The following SH2D2A variants were observed in gnomAD, a reference collection of about 807,000 sequenced individuals.
SH2D2A encodes the protein SH2 domain-containing protein 2A.
SH2D2A carries 33 observed loss-of-function variants against 43.6 expected under a neutral mutation model. The ratio of observed to expected loss-of-function variants is 0.76; its 90% CI spans 0.57 to 1.01. The LOEUF is 1.01. SH2D2A is among the 50% of genes least tolerant of loss of function. SH2D2A has a pLI of 0.00. For synonymous variants in SH2D2A, 212 were observed against 206.1 expected (o/e 1.03, Z -0.25); for missense variants, 491 against 503.1 (o/e 0.98, Z 0.23).
Position 156,816,832 on chromosome 1 carries a change from C to T in SH2D2A, c.-124G>A. On this transcript the variant is annotated 5_prime_UTR_variant, in exon 1 of 9. Coordinates refer to ENST00000368199, the MANE Select transcript of SH2D2A (RefSeq NM_003975.4). ...CCCGGGGGCAGGAAATGTCGCCTTA[C>T]CCACAGCCTTAGTTCTGGCGAGGAC... 1 of 886,136 alleles carries T rather than the reference C, an allele frequency of 1.1e-6. No individual in the cohort carries two copies. The highest frequency in any genetic ancestry group is 1.6e-6 in the Non-Finnish European group (1 of 608,396). The allele number at this position is 886,136 out of a possible 1,614,324, so 54.9% of individuals were successfully genotyped here. A position where few individuals can be genotyped will look rare whatever the true frequency, so the allele number is the denominator to read the frequency against.
At chr1:156,814,396 T>C in intron 3 of SH2D2A, 102 bp from the exon 4 acceptor site, 2 of 1,518,656 alleles carry the variant, frequency 1.3e-6, no homozygotes, top group Non-Finnish European at 1.8e-6. Context: ...CAAGCAAGCA[T>C]GCTGGAGCGG....
chr1:156,807,193 A>G lies in SH2D2A; in HGVS notation c.1155T>C (p.Leu385=). 6.2e-7 allele frequency: 1 copy of G among 1,609,908 alleles called. No individual in the cohort carries two copies. The highest frequency in any genetic ancestry group is 8.5e-7 in the Non-Finnish European group (1 of 1,177,970). ...GACTTACCGCCTACTGAGGAGGCCC[A>G]AGGGGAAGCCATGCCTGTCCTCTGT... ...LQDRGQAWLP[L]GPPQ The change falls in exon 8 of 9, where the codon CTT becomes CTC. Residue 385 remains leucine, a synonymous_variant. Transcript: ENST00000368199. The surrounding 1 kb of genome is among the most constrained non-coding windows in gnomAD (Gnocchi z 5.1).
intron 8 of SH2D2A, among the ~76,000 whole-genome samples, chr1:156,806,954 C>A (rs983647433): frequency 6.6e-6 from 1 of 152,174 alleles, no homozygotes. Context: ...ACCTTAACAT[C>A]CTTTCCAATG....
Position 156,813,902 on chromosome 1 carries a change from G to C in SH2D2A, c.513C>G (p.Thr171=), listed in dbSNP as rs765223451. ...CCCCGTAGGGGCTGAGCGGGTGCGC[G>C]GTGTAGTGCAGCAGCAGGTCCTGCA... ...ARLQDLLLHY[T]AHPLSPYGET... Residue 171 remains threonine (T), a synonymous_variant, in exon 5 of 9, where the codon ACC becomes ACG. Transcript: ENST00000368199. The C allele has an allele frequency of 1.1e-4, 170 of 1,543,980 alleles. No homozygotes were observed. Among genetic ancestry groups the C allele is most frequent in the Non-Finnish European group, 1.4e-4 (165 of 1,149,226 alleles).
Position 156,807,354 on chromosome 1 carries a change from A to G in SH2D2A, c.1003-9T>C, listed in dbSNP as rs1416496878. ...TGGGAGCCACCTGTATTCTGCAGAG[A>G]GAAGGACAGTTCTAGGTCACACCCT... is the stretch of plus-strand genomic sequence containing the variant. On this transcript the variant is annotated splice_polypyrimidine_tract_variant and intron_variant, in intron 7 of 8. Transcript: ENST00000368199. The surrounding 1 kb of genome is among the most constrained non-coding windows in gnomAD (Gnocchi z 5.1). 6.6e-7 allele frequency: 1 copy of G among 1,525,878 alleles called. No individual in the cohort carries two copies. The highest frequency in any genetic ancestry group is 1.4e-5 in the African/African-American group (1 of 73,656). The allele number at this position is 1,525,878 out of a possible 1,614,324, so 94.5% of individuals were successfully genotyped here. A position where few individuals can be genotyped will look rare whatever the true frequency, so the allele number is the denominator to read the frequency against.
At chr1:156,810,262 C>T (rs946482148) in intron 5 of SH2D2A, among the ~76,000 whole-genome samples, 7 of 152,214 alleles carry the variant, frequency 4.6e-5, no homozygotes, top group African/African-American at 1.4e-4. Flanking sequence ...TGGTCTTGAA[C>T]TCTTGGGTTC....
intron 7 of SH2D2A, among the ~76,000 whole-genome samples, chr1:156,808,033 T>A (rs1335826906): frequency 6.6e-6 from 1 of 152,124 alleles, no homozygotes; most frequent in Non-Finnish European, 1.5e-5. Context: ...GTGAGGTGGC[T>A]CGAGCCTGTA....
intron 7 of SH2D2A, among the ~76,000 whole-genome samples, chr1:156,808,488 C>T (rs556138217): frequency 6.6e-5 from 10 of 152,068 alleles, no homozygotes; most frequent in Admixed American, 3.9e-4. Context: ...TGGGTGAGCG[C>T]GAGCAGGCTC....
intron 1 of SH2D2A, 55 bp downstream of exon 1, chr1:156,816,620 G>A: frequency 4.5e-6 from 7 of 1,561,284 alleles, no homozygotes; most frequent in Non-Finnish European, 6.1e-6. Context: ...GGGAGGGCAG[G>A]GGGATGGGGG....
At chr1:156,816,286 G>T in intron 1 of SH2D2A, 192 bp from the exon 2 acceptor site, 1 of 464,402 alleles carries the variant, frequency 2.2e-6, no homozygotes. Context: ...GGGGGCTAAT[G>T]CTGCCAGAGG....
Position 156,816,737 on chromosome 1 carries a change from C to T in SH2D2A, c.-29G>A. On this transcript the variant is annotated 5_prime_UTR_variant, in exon 1 of 9. Transcript: ENST00000368199. ...GGCAGCCTCACAAGGGATCCCAGAG[C>T]AGGGTGTGTGTATGTGTTCCGGAAA... 1 of 1,585,520 alleles carries T rather than the reference C, an allele frequency of 6.3e-7. No individual in the cohort carries two copies. The highest frequency in any genetic ancestry group is 8.6e-7 in the Non-Finnish European group (1 of 1,165,622).
At position 156,809,166 on chromosome 1, in the gene SH2D2A, C is replaced by T; in HGVS notation, c.1002+37G>A. On this transcript the variant is annotated intron_variant, in intron 7 of 8. Transcript: ENST00000368199. This position sits in a 1 kb window ranked among gnomAD's most constrained non-coding sequence, Gnocchi z 4.8. ...CTTCCCCCATCTACCTGCAGGGAGACCTTCTTGCACCTACCTTTCCCTGCA... is the reference window on the plus strand; with the variant it reads ...CTTCCCCCATCTACCTGCAGGGAGATCTTCTTGCACCTACCTTTCCCTGCA... The T allele has an allele frequency of 1.3e-6, 2 of 1,560,766 alleles. No homozygotes were observed. Among genetic ancestry groups the T allele is most frequent in the Non-Finnish European group, 1.7e-6 (2 of 1,152,134 alleles).
intron 5 of SH2D2A, among the ~76,000 whole-genome samples, chr1:156,810,021 A>G (rs970171160): frequency 6.6e-6 from 1 of 152,168 alleles, no homozygotes; most frequent in Non-Finnish European, 1.5e-5. Flanking sequence ...CTCTGGTCAC[A>G]GGCCATATCT....
intron 1 of SH2D2A, 31 bp from the exon 2 acceptor site, chr1:156,816,125 C>T (rs1020105887): frequency 6.3e-7 from 1 of 1,595,142 alleles, no homozygotes; most frequent in Non-Finnish European, 8.5e-7. Context: ...GCCGGGGTTT[C>T]TCAGAGAGGA....
chr1:156,812,888 A>G lies in SH2D2A; in HGVS notation c.567+960T>C, dbSNP rs758182817. 1.1e-4 allele frequency among the ~76,000 whole-genome samples: 16 copies of G among 152,158 alleles called. 1 individual carries two copies. Among genetic ancestry groups the G allele is most frequent in the Non-Finnish European group, 7.4e-5 (5 of 68,022 alleles). Reference sequence around the variant, plus strand: ...AGGCAGAGATATTCAGGTCATTTACATTCACTCCTGTTTTTCCAGTGCGCA... The same window carrying G: ...AGGCAGAGATATTCAGGTCATTTACGTTCACTCCTGTTTTTCCAGTGCGCA... On this transcript the variant is annotated intron_variant, in intron 5 of 8. Coordinates refer to ENST00000368199, the MANE Select transcript of SH2D2A (RefSeq NM_003975.4).
At position 156,813,855 on chromosome 1, in the gene SH2D2A, G is replaced by A. The variant is rs199586383; in HGVS notation, c.560C>T (p.Ala187Val). 2.4e-3 allele frequency: 3,546 copies of A among 1,490,986 alleles called. 10 individuals carry two copies. The highest frequency in any genetic ancestry group is 2.8e-3 in the Non-Finnish European group (3,168 of 1,120,462). 92.4% of individuals were successfully genotyped at this position (1,490,986 alleles called of 1,614,324 possible). Reference protein sequence around the residue: ...PYGETLTEPLARQTPEPAGLS... With the variant: ...PYGETLTEPLVRQTPEPAGLS... ...AGGGTCTGGGGCGCGTACCTGTCGG[G>A]CGAGGGGCTCGGTGAGCGTCTCCCC... The change falls in exon 5 of 9, where the codon GCC (alanine) becomes GTC (valine). Residue 187 changes from alanine to valine, a missense_variant. Ala to Val is a moderately conservative substitution (Grantham distance 64, BLOSUM62 0). Coordinates refer to ENST00000368199, the MANE Select transcript of SH2D2A (RefSeq NM_003975.4).
intron 8 of SH2D2A, among the ~76,000 whole-genome samples, chr1:156,806,883 C>T (rs1355095807): frequency 4.6e-5 from 7 of 152,202 alleles, no homozygotes; most frequent in Non-Finnish European, 1.0e-4. Context: ...TCCTCCCGCT[C>T]TTACCCGTGG....
At chr1:156,812,408 C>A (rs1178525992) in intron 5 of SH2D2A, among the ~76,000 whole-genome samples, 4 of 152,210 alleles carry the variant, frequency 2.6e-5, no homozygotes, top group Non-Finnish European at 5.9e-5. Context: ...CGGATCCACC[C>A]ATGCTAACTT....
chr1:156,811,257 C>T (rs1653396996), intron 5 of SH2D2A, among the ~76,000 whole-genome samples: 1 of 152,186 alleles, frequency 6.6e-6, no homozygotes, highest in African/African-American at 2.4e-5. Context: ...TACTTTTCTC[C>T]ATGCACATGG....
Sources: allele counts gnomAD v4.1 joint callset (sites outside exome capture counted in the v4.1 genomes callset), GRCh38; gene constraint gnomAD v4.1.1; non-coding constraint Gnocchi (gnomAD v3.1); transcripts MANE v1.5; gene names NCBI Gene and HGNC (gene_info 2026-07-23, HGNC 2026-07-21).